Variants in VWA3B observed in about 807,000 individuals in gnomAD.
The protein encoded by VWA3B is von Willebrand factor A domain-containing protein 3B.
A neutral mutation model predicts 158.3 loss-of-function variants in VWA3B; 138 were observed. That is an observed-to-expected ratio of 0.87 (90% CI 0.76 to 1.00). VWA3B has a LOEUF of 1.00. Ranked by LOEUF, VWA3B falls within the 50% of genes least tolerant of loss-of-function variation. VWA3B has a pLI of 0.00. For synonymous variants in VWA3B, 596 were observed against 587.3 expected (o/e 1.01, Z -0.21); for missense variants, 1,555 against 1,565.1 (o/e 0.99, Z 0.11).
At chr2:98,137,807 A>C (rs1223753920) in intron 7 of VWA3B, among the ~76,000 whole-genome samples, 1 of 152,236 alleles carries the variant, frequency 6.6e-6, no homozygotes, top group South Asian at 2.1e-4. Flanking sequence ...GACTTAGAAC[A>C]TACTTGTTAA....
intron 7 of VWA3B, among the ~76,000 whole-genome samples, chr2:98,146,448 T>C (rs1332935388): frequency 6.6e-6 from 1 of 152,216 alleles, no homozygotes; most frequent in Non-Finnish European, 1.5e-5. Context: ...GAGTGGTTCC[T>C]GCATATAAGT....
intron 25 of VWA3B, among the ~76,000 whole-genome samples, chr2:98,302,712 C>T (rs531399689): frequency 5.9e-5 from 9 of 152,278 alleles, no homozygotes; most frequent in African/African-American, 1.4e-4. Flanking sequence ...AGTAGGCATT[C>T]GAACACAGAC....
intron 7 of VWA3B, among the ~76,000 whole-genome samples, chr2:98,139,496 T>A (rs556093363): frequency 6.6e-6 from 1 of 152,306 alleles, no homozygotes; most frequent in South Asian, 2.1e-4. Context: ...AGAACCTTTA[T>A]GTCTAGCTCA....
chr2:98,197,702 G>T (rs1362670424), intron 12 of VWA3B, among the ~76,000 whole-genome samples: 1 of 151,782 alleles, frequency 6.6e-6, no homozygotes, highest in Non-Finnish European at 1.5e-5. Flanking sequence ...TGTTACTTTG[G>T]CCATTGGGAA....
At chr2:98,181,581 C>T (rs1680583229) in intron 9 of VWA3B, among the ~76,000 whole-genome samples, 1 of 152,296 alleles carries the variant, frequency 6.6e-6, no homozygotes, top group East Asian at 1.9e-4. Context: ...GCGCAGCAGG[C>T]GTTTCTGTGG....
chr2:98,216,980 G>T (rs1684060832), intron 13 of VWA3B: 1 of 987,436 alleles, frequency 1.0e-6, no homozygotes, highest in African/African-American at 3.0e-5. Flanking sequence ...ATCATTGTAA[G>T]CACCCGCCCC....
At chr2:98,246,290 T>G (rs1200555014) in intron 19 of VWA3B, among the ~76,000 whole-genome samples, 1 of 152,152 alleles carries the variant, frequency 6.6e-6, no homozygotes, top group Non-Finnish European at 1.5e-5. Flanking sequence ...CAGCCACCTG[T>G]GCAACTCCTT....
chr2:98,170,795 C>T (rs1268841417), intron 8 of VWA3B, among the ~76,000 whole-genome samples: 3 of 152,008 alleles, frequency 2.0e-5, no homozygotes, highest in South Asian at 2.1e-4. Context: ...TCAGTAGAGA[C>T]GGGATTTCAC....
intron 26 of VWA3B, among the ~76,000 whole-genome samples, chr2:98,308,387 T>TG (rs1393404562): frequency 6.6e-6 from 1 of 152,242 alleles, no homozygotes; most frequent in African/African-American, 2.4e-5. Context: ...CTACATTCCA[T>TG]GGCATCAGAG....
chr2:98,250,763 T>C (rs1437903011), intron 20 of VWA3B, among the ~76,000 whole-genome samples: 1 of 152,094 alleles, frequency 6.6e-6, no homozygotes, highest in African/African-American at 2.4e-5. Flanking sequence ...TAGAAGAGTA[T>C]AGTTGGAGTA....
intron 8 of VWA3B, chr2:98,179,117 A>C (rs1680252706): frequency 6.9e-6 from 3 of 437,340 alleles, no homozygotes; most frequent in South Asian, 5.2e-5. Flanking sequence ...TCATCCTACC[A>C]AGCGGCCATC....
chr2:98,150,743 T>C (rs549967055), intron 7 of VWA3B, among the ~76,000 whole-genome samples: 1 of 152,378 alleles, frequency 6.6e-6, no homozygotes, highest in South Asian at 2.1e-4. Context: ...AAGAAAATTC[T>C]ATTCTAGACT....
chr2:98,128,136 A>G, intron 5 of VWA3B, 103 bp from the exon 6 acceptor site: 1 of 1,423,682 alleles, frequency 7.0e-7, no homozygotes, highest in Non-Finnish European at 9.6e-7. Context: ...CTTTCTGCCC[A>G]TTTTTTCTAA....
chr2:98,113,356 A>T (rs1464366925), intron 2 of VWA3B, among the ~76,000 whole-genome samples: 5 of 152,064 alleles, frequency 3.3e-5, no homozygotes, highest in African/African-American at 7.2e-5. Context: ...TCTCTTCAGA[A>T]CCCACATATA....
chr2:98,214,016 C>A (rs938450436), intron 13 of VWA3B, among the ~76,000 whole-genome samples: 6 of 151,856 alleles, frequency 4.0e-5, no homozygotes, highest in Admixed American at 1.3e-4. Context: ...CATATTGAGA[C>A]CCTGTCTCTA....
intron 12 of VWA3B, among the ~76,000 whole-genome samples, chr2:98,209,646 T>C (rs1029247424): frequency 6.6e-6 from 1 of 152,158 alleles, no homozygotes; most frequent in Non-Finnish European, 1.5e-5. Context: ...CTTTCCCCTC[T>C]TTTTTCTGAA....
chr2:98,193,162 G>A (rs952910747), intron 11 of VWA3B, 126 bp downstream of exon 11: 68 of 1,233,096 alleles, frequency 5.5e-5, no homozygotes, highest in Non-Finnish European at 7.4e-5. Context: ...ACTCCCTTTT[G>A]TTAGTTAAAG....
chr2:98,272,937 GT>G (rs1295458397), intron 22 of VWA3B, among the ~76,000 whole-genome samples: 1 of 152,104 alleles, frequency 6.6e-6, no homozygotes, highest in Admixed American at 6.5e-5. Context: ...CTTTTGCCAG[GT>G]TATGGGCAGC....
intron 2 of VWA3B, among the ~76,000 whole-genome samples, chr2:98,113,630 G>T (rs1387599579): frequency 1.3e-5 from 2 of 152,084 alleles, no homozygotes; most frequent in African/African-American, 4.8e-5. Flanking sequence ...TCACAGATAT[G>T]TGCAACTATT....
Sources: allele counts gnomAD v4.1 joint callset (sites outside exome capture counted in the v4.1 genomes callset), GRCh38; gene constraint gnomAD v4.1.1; transcripts MANE v1.5; gene names NCBI Gene and HGNC (gene_info 2026-07-23, HGNC 2026-07-21).